The following VPS37D variants were observed in gnomAD, a reference collection of about 807,000 sequenced individuals.
VPS37D encodes the protein VPS37D subunit of ESCRT-I.
A neutral mutation model predicts 22.0 loss-of-function variants in VPS37D; 5 were observed. That is an observed-to-expected ratio of 0.23 (90% CI 0.12 to 0.48). The LOEUF (loss-of-function observed/expected upper bound fraction) is 0.48. VPS37D is among the 20% of genes least tolerant of loss of function. The pLI is 0.99. For synonymous variants in VPS37D, 174 were observed against 159.3 expected, an observed-to-expected ratio of 1.09 and a Z score of -0.69; for missense variants, 384 against 345.8, an observed-to-expected ratio of 1.11 and a Z score of -0.88.
In VPS37D at chr7:73,671,464, GGGCAGGCCCCTCCCCCT is replaced by G; in HGVS notation, c.*92_*108del. ...TCCCCCACTGCCTGGGTGGGGGGAG[GGGCAGGCCCCTCCCCCT>G]GGCCTCAGGCAGGCCCTGGCCCTGG... On this transcript the variant is annotated 3_prime_UTR_variant, in exon 4 of 4. Coordinates refer to ENST00000324941, the MANE Select transcript of VPS37D (RefSeq NM_001077621.2). The G allele has an allele frequency of 1.7e-6, 1 of 590,302 alleles. No individual in the cohort carries two copies. The highest frequency in any genetic ancestry group is 2.0e-5 in the African/African-American group (1 of 51,032). The allele number at this position is 590,302 out of a possible 1,614,324, so 36.6% of individuals were successfully genotyped here.
In VPS37D at chr7:73,667,835, C is replaced by A; in HGVS notation, c.-124C>A. 4.5e-6 allele frequency: 1 copy of A among 222,932 alleles called. No homozygotes were observed. Among genetic ancestry groups the A allele is most frequent in the Non-Finnish European group, 7.6e-6 (1 of 131,128 alleles). 13.8% of individuals were successfully genotyped at this position (222,932 alleles called of 1,614,324 possible). ...GGAGGGGCGCCCCCTGGCGGCGGAG[C>A]GGTGCGTGCGGCCGGAGCCGGAGCG... On this transcript the variant is annotated 5_prime_UTR_variant, in exon 1 of 4. Coordinates refer to ENST00000324941, the MANE Select transcript of VPS37D (RefSeq NM_001077621.2).
intron 2 of VPS37D, 63 bp downstream of exon 2, chr7:73,669,653 G>A: frequency 1.3e-6 from 2 of 1,529,520 alleles, no homozygotes; most frequent in African/African-American, 1.4e-5. Context: ...CCGGTGGGTT[G>A]GCCTTGGGAA....
upstream of VPS37D, among the ~76,000 whole-genome samples, chr7:73,665,737 T>A (rs1484044455): frequency 6.6e-6 from 1 of 152,176 alleles, no homozygotes; most frequent in Non-Finnish European, 1.5e-5. Flanking sequence ...CTCCTTCAAC[T>A]TGAGAACTCC....
At position 73,670,051 on chromosome 7, in the gene VPS37D, C is replaced by T. The variant is rs782152659; in HGVS notation, c.342C>T (p.Cys114=). 23 of 1,551,160 alleles carry T rather than the reference C, an allele frequency of 1.5e-5. No individual in the cohort carries two copies. The South Asian group carries it at 1.5e-4, about 10-fold the overall frequency. The change falls in exon 3 of 4, where the codon TGC becomes TGT. Residue 114 remains cysteine, a synonymous_variant. Coordinates refer to ENST00000324941, the MANE Select transcript of VPS37D (RefSeq NM_001077621.2). ...EESMHRWSPH[C]ALGWLQAELE... Reference sequence around the variant, plus strand: ...GCATGCATCGCTGGAGTCCCCACTGCGCGCTGGGCTGGCTGCAGGCTGAGC... The same window carrying T: ...GCATGCATCGCTGGAGTCCCCACTGTGCGCTGGGCTGGCTGCAGGCTGAGC...
chr7:73,668,114 A>AGCGGGGGGC lies in VPS37D; in HGVS notation c.138+26_138+34dup, dbSNP rs1797423377. On this transcript the variant is annotated intron_variant, in intron 1 of 3. Transcript: ENST00000324941. ...GCAGGAAGGTAGCGCGGGGGGCTCG[A>AGCGGGGGGC]GCGGGGGGCGCGGGGGACGGGCAGC... The AGCGGGGGGC allele has an allele frequency of 9.4e-7, 1 of 1,069,268 alleles. No homozygotes were observed. Among genetic ancestry groups the AGCGGGGGGC allele is most frequent in the African/African-American group, 1.7e-5 (1 of 57,266 alleles). The allele number at this position is 1,069,268 out of a possible 1,614,324, so 66.2% of individuals were successfully genotyped here.
chr7:73,671,119 A>G lies in VPS37D; in HGVS notation c.499A>G (p.Lys167Glu). The change falls in exon 4 of 4, where the codon AAG becomes GAG. Residue 167 changes from lysine to glutamate, a missense_variant. Physicochemically the swap from Lys to Glu is moderately conservative, Grantham distance 56 (BLOSUM62 1). Coordinates refer to ENST00000324941, the MANE Select transcript of VPS37D (RefSeq NM_001077621.2). ...LAHLRRTQAE[K>E]LQELLRRRER... The stretch of plus-strand genomic sequence containing the variant: ...CCACCTGAGGCGGACGCAGGCAGAG[A>G]AGCTGCAGGAGCTGCTGCGGCGTCG... 1 of 1,609,004 alleles carries G rather than the reference A, an allele frequency of 6.2e-7. No homozygotes were observed. The highest frequency in any genetic ancestry group is 8.5e-7 in the Non-Finnish European group (1 of 1,179,352).
At chr7:73,668,957 G>T (rs557917593) in intron 1 of VPS37D, among the ~76,000 whole-genome samples, 2 of 152,116 alleles carry the variant, frequency 1.3e-5, no homozygotes, top group South Asian at 4.1e-4. Flanking sequence ...GGATGAGCAG[G>T]GGGTGGGAGT....
rs782633454 is a variant in VPS37D, at chr7:73,671,238, G to C, written c.618G>C (p.Gly206=). 1 of 1,545,058 alleles carries C rather than the reference G, an allele frequency of 6.5e-7. No homozygotes were observed. The highest frequency in any genetic ancestry group is 1.2e-5 in the South Asian group (1 of 83,426). The change falls in exon 4 of 4, where the codon GGG becomes GGC. Residue 206 remains glycine, a synonymous_variant. Transcript: ENST00000324941. Reference sequence around the variant, plus strand: ...TCCTGCCCACTGGGGCCGCCCGGGGGCCACCAGCAGTGCCCCGGAGCCTGC... The same window carrying C: ...TCCTGCCCACTGGGGCCGCCCGGGGCCCACCAGCAGTGCCCCGGAGCCTGC... ...AAVLPTGAAR[G]PPAVPRSLPP... is the part of the protein sequence containing the mutation.
At chr7:73,666,199 G>T (rs1341848031), upstream of VPS37D, among the ~76,000 whole-genome samples, 5 of 152,182 alleles carry the variant, frequency 3.3e-5, no homozygotes, top group Non-Finnish European at 5.9e-5. Context: ...CCATCATGAG[G>T]TGACACCTGC....
chr7:73,668,487 C>G (rs1797432156), intron 1 of VPS37D, among the ~76,000 whole-genome samples: 1 of 149,862 alleles, frequency 6.7e-6, no homozygotes, highest in Admixed American at 6.6e-5. Flanking sequence ...CCTGGAGGGG[C>G]CGTTGGGGGT....
rs1395269478 is a variant in VPS37D at position 73,670,008 on chromosome 7, T to C, written c.311-12T>C. On this transcript the variant is annotated splice_polypyrimidine_tract_variant and intron_variant, in intron 2 of 3. Coordinates refer to ENST00000324941, the MANE Select transcript of VPS37D (RefSeq NM_001077621.2). The stretch of plus-strand genomic sequence containing the variant: ...TGGCCTGTCTGTCACTCTGTCCCTC[T>C]GTGGCCCTCAGAGGAAAGCATGCAT... 2 of 1,551,524 alleles carry C rather than the reference T, an allele frequency of 1.3e-6. No homozygotes were observed. The highest frequency in any genetic ancestry group is 1.7e-6 in the Non-Finnish European group (2 of 1,146,896).
rs782563676 is a variant in VPS37D at position 73,671,148 on chromosome 7, G to A, written c.528G>A (p.Glu176=). ...EKLQELLRRR[E]RSAQPAPTSA... is the part of the protein sequence containing the mutation. ...TGCAGGAGCTGCTGCGGCGTCGGGA[G>A]CGTTCTGCCCAGCCGGCCCCCACCT... Residue 176 remains glutamate, a synonymous_variant, in exon 4 of 4, where the codon GAG becomes GAA. Coordinates refer to ENST00000324941, the MANE Select transcript of VPS37D (RefSeq NM_001077621.2). 3.7e-6 allele frequency: 6 copies of A among 1,606,994 alleles called. No individual in the cohort carries two copies. Among genetic ancestry groups the A allele is most frequent in the Non-Finnish European group, 5.1e-6 (6 of 1,178,860 alleles).
Position 73,671,118 on chromosome 7 carries a change from G to C in VPS37D, c.498G>C (p.Glu166Asp). 6.2e-7 allele frequency: 1 copy of C among 1,609,002 alleles called. No individual in the cohort carries two copies. Among genetic ancestry groups the C allele is most frequent in the Non-Finnish European group, 8.5e-7 (1 of 1,179,364 alleles). The change falls in exon 4 of 4, where the codon GAG becomes GAC. Residue 166 changes from glutamate (E) to aspartate (D), a missense_variant. Transcript: ENST00000324941. ...ALAHLRRTQA[E>D]KLQELLRRRE... is the part of the protein sequence containing the mutation. ...CCCACCTGAGGCGGACGCAGGCAGA[G>C]AAGCTGCAGGAGCTGCTGCGGCGTC...
chr7:73,669,467 G>A lies in VPS37D; in HGVS notation c.187G>A (p.Ala63Thr), dbSNP rs940224088. The A allele has an allele frequency of 9.5e-6, 15 of 1,580,246 alleles. No individual in the cohort carries two copies. The highest frequency in any genetic ancestry group is 1.2e-5 in the South Asian group (1 of 86,574). ...TGAGGCCTGCCTGGCCTCCAACTAC[G>A]CGCTGGCCAAGGAGAACCTGGCCCT... is the stretch of plus-strand genomic sequence containing the variant. ...EREACLASNYALAKENLALRP... is the reference protein window; with the variant it reads ...EREACLASNYTLAKENLALRP... The change falls in exon 2 of 4, where the codon GCG (alanine) becomes ACG (threonine). Residue 63 changes from alanine to threonine, a missense_variant. Coordinates refer to ENST00000324941, the MANE Select transcript of VPS37D (RefSeq NM_001077621.2).
rs1216581676 is a variant in VPS37D at position 73,671,464 on chromosome 7, G to GGGCAGGCCCCTCCCCCTGGCCTCA, written c.*98_*121dup. The GGGCAGGCCCCTCCCCCTGGCCTCA allele has an allele frequency of 1.5e-5, 9 of 590,302 alleles. No individual in the cohort carries two copies. In the South Asian group the frequency reaches 1.8e-4, roughly 11 times the overall value. 36.6% of individuals were successfully genotyped at this position (590,302 alleles called of 1,614,324 possible). A position where few individuals can be genotyped will look rare whatever the true frequency, so the allele number is the denominator to read the frequency against. On this transcript the variant is annotated 3_prime_UTR_variant, in exon 4 of 4. Coordinates refer to ENST00000324941, the MANE Select transcript of VPS37D (RefSeq NM_001077621.2). The stretch of plus-strand genomic sequence containing the variant: ...TCCCCCACTGCCTGGGTGGGGGGAG[G>GGGCAGGCCCCTCCCCCTGGCCTCA]GGCAGGCCCCTCCCCCTGGCCTCAG...
chr7:73,667,396 G>T (rs568055855), upstream of VPS37D, among the ~76,000 whole-genome samples: 116 of 152,198 alleles, frequency 7.6e-4, no homozygotes, highest in African/African-American at 2.7e-3. Flanking sequence ...CTCCCAAATC[G>T]CTGGAATTAC....
upstream of VPS37D, among the ~76,000 whole-genome samples, chr7:73,666,608 A>G (rs1797379071): frequency 6.6e-6 from 1 of 150,998 alleles, no homozygotes; most frequent in African/African-American, 2.4e-5. Flanking sequence ...TTTGTTGGTC[A>G]GGTTGGTCTC....
At chr7:73,668,969 T>C (rs1039961910) in intron 1 of VPS37D, among the ~76,000 whole-genome samples, 1 of 151,266 alleles carries the variant, frequency 6.6e-6, no homozygotes, top group Non-Finnish European at 1.5e-5. Flanking sequence ...GGTGGGAGTG[T>C]TTTCGGTGCA....
chr7:73,671,390 GC>G lies in VPS37D; in HGVS notation c.*20del. 1.0e-5 allele frequency: 14 copies of G among 1,359,334 alleles called. No homozygotes were observed. The highest frequency in any genetic ancestry group is 1.3e-5 in the Non-Finnish European group (14 of 1,057,288). 84.2% of individuals were successfully genotyped at this position (1,359,334 alleles called of 1,614,324 possible). On this transcript the variant is annotated 3_prime_UTR_variant, in exon 4 of 4. Coordinates refer to ENST00000324941, the MANE Select transcript of VPS37D (RefSeq NM_001077621.2). ...CCCCACCGGTAGGATCCACGGTGCGGCCCCCCAGTTGGGGGGCCTAGACAAA... is the reference window on the plus strand; with the variant it reads ...CCCCACCGGTAGGATCCACGGTGCGGCCCCCAGTTGGGGGGCCTAGACAAA...
Sources: gnomAD v4.1 joint callset for allele counts (sites outside exome capture counted in the v4.1 genomes callset) on GRCh38, gnomAD v4.1.1 for gene constraint, MANE v1.5 for transcripts, NCBI Gene and HGNC (gene_info 2026-07-23, HGNC 2026-07-21) for gene names.